PDE2A: variants seen among roughly 807,000 people sequenced by gnomAD.
PDE2A encodes the protein cGMP-dependent 3',5'-cyclic phosphodiesterase.
Under a neutral mutation model 133.6 loss-of-function variants are expected in PDE2A, and 53 were observed. That is an observed-to-expected ratio of 0.40 (90% confidence interval 0.32 to 0.50). The LOEUF (loss-of-function observed/expected upper bound fraction) is 0.50, where lower values mean the gene tolerates loss of function less well. Ranked by LOEUF, PDE2A falls within the 20% of genes least tolerant of loss-of-function variation. The probability of loss-of-function intolerance (pLI) is 0.73; values close to 1 mark genes in which losing one functional copy is unlikely to be tolerated. For missense variants in PDE2A, 796 were observed against 1,232.4 expected (o/e 0.65, Z 5.30); for synonymous variants, 491 against 490.2 (o/e 1.00, Z -0.02).
At chr11:72,668,494 C>T in intron 1 of PDE2A, 1 of 702,538 alleles carries the variant, frequency 1.4e-6, no homozygotes, top group South Asian at 1.5e-5. Context: ...CCTGCACCCC[C>T]CAACACATAG....
intron 20 of PDE2A, among the ~76,000 whole-genome samples, chr11:72,583,220 G>C (rs1203039280): frequency 6.6e-6 from 1 of 152,206 alleles, no homozygotes; most frequent in African/African-American, 2.4e-5. Context: ...CCCTGGGCTG[G>C]TTCCTCTGGC....
chr11:72,578,554 T>TC lies in PDE2A; in HGVS notation c.2470-41_2470-40insG. ...CTCTCATCACATCCTCTATGTAGGATACATCCACCCAAGCTCCTCTGACAG... is the reference window on the plus strand; with the variant it reads ...CTCTCATCACATCCTCTATGTAGGATCACATCCACCCAAGCTCCTCTGACAG... On this transcript the variant is annotated intron_variant, in intron 28 of 30. Coordinates refer to ENST00000334456, the MANE Select transcript of PDE2A (RefSeq NM_002599.5). The surrounding 1 kb of genome is among the most constrained non-coding windows in gnomAD (Gnocchi z 4.2). 6.5e-7 allele frequency: 1 copy of TC among 1,547,218 alleles called. No individual in the cohort carries two copies. Among genetic ancestry groups the TC allele is most frequent in the East Asian group, 2.2e-5 (1 of 44,574 alleles).
At chr11:72,614,556 C>T (rs903791390) in intron 2 of PDE2A, among the ~76,000 whole-genome samples, 3 of 152,172 alleles carry the variant, frequency 2.0e-5, no homozygotes, top group Admixed American at 2.0e-4. Context: ...AGATTGCTGG[C>T]CCCACCCCCA....
intron 1 of PDE2A, among the ~76,000 whole-genome samples, chr11:72,645,053 C>G (rs1338229043): frequency 1.3e-5 from 2 of 152,218 alleles, no homozygotes; most frequent in African/African-American, 4.8e-5. Flanking sequence ...CTGCACCCAG[C>G]CAAGAAGTTA....
intron 6 of PDE2A, among the ~76,000 whole-genome samples, chr11:72,591,584 C>G (rs1421798386): frequency 6.6e-6 from 1 of 152,208 alleles, no homozygotes; most frequent in Non-Finnish European, 1.5e-5. Context: ...TTTTTTGTCT[C>G]TGCCTTTTCA....
intron 13 of PDE2A, among the ~76,000 whole-genome samples, chr11:72,588,233 A>G (rs1175386057): frequency 2.0e-5 from 3 of 152,224 alleles, no homozygotes; most frequent in Non-Finnish European, 4.4e-5. Context: ...AAATTTATTT[A>G]TGACACCATT....
chr11:72,587,094 T>C (rs776149711), intron 13 of PDE2A, among the ~76,000 whole-genome samples: 17 of 152,222 alleles, frequency 1.1e-4, no homozygotes, highest in Admixed American at 3.3e-4. Flanking sequence ...CATGCTTTTT[T>C]TTCTACACTG....
chr11:72,633,871 G>A (rs1858546064), intron 2 of PDE2A, among the ~76,000 whole-genome samples: 1 of 152,178 alleles, frequency 6.6e-6, no homozygotes, highest in South Asian at 2.1e-4. Flanking sequence ...ATCACAGTCA[G>A]TTCTCAAACC....
At chr11:72,653,473 C>G (rs1854803432) in intron 1 of PDE2A, among the ~76,000 whole-genome samples, 1 of 152,086 alleles carries the variant, frequency 6.6e-6, no homozygotes, top group South Asian at 2.1e-4. Context: ...AGGCTCCACT[C>G]CCGACTCCCA....
chr11:72,636,651 G>A (rs1197441406), intron 2 of PDE2A, among the ~76,000 whole-genome samples: 1 of 152,108 alleles, frequency 6.6e-6, no homozygotes, highest in Non-Finnish European at 1.5e-5. Context: ...ACACCTGGGT[G>A]GGGCAGCATT....
chr11:72,581,493 G>A lies in PDE2A; in HGVS notation c.1923-14C>T, dbSNP rs1302566251. On this transcript the variant is annotated splice_polypyrimidine_tract_variant and intron_variant, in intron 22 of 30. Coordinates refer to ENST00000334456, the MANE Select transcript of PDE2A (RefSeq NM_002599.5). ...ATCAAACAGAACCTGGGGGAGGGAA[G>A]AGGGCAGAAGAGGGGCCTCAGCCTC... 3.8e-6 allele frequency: 6 copies of A among 1,578,720 alleles called. No homozygotes were observed. Among genetic ancestry groups the A allele is most frequent in the Non-Finnish European group, 5.2e-6 (6 of 1,162,328 alleles).
At chr11:72,642,113 C>T (rs774771023) in intron 2 of PDE2A, 141 bp downstream of exon 2, 2 of 1,213,108 alleles carry the variant, frequency 1.6e-6, no homozygotes, top group Non-Finnish European at 2.1e-6. Context: ...TCTTGGTCTG[C>T]GCTGCCGTCC....
intron 1 of PDE2A, chr11:72,668,482 T>C (rs1243442630): frequency 5.7e-6 from 4 of 703,064 alleles, no homozygotes; most frequent in Non-Finnish European, 1.0e-5. Context: ...TCCCTGCTCC[T>C]ACCTGCACCC....
In PDE2A at chr11:72,580,577, C is replaced by G; in HGVS notation, c.2181G>C (p.Glu727Asp). Reference protein sequence around the residue: ...ALYSSEGSVMERHHFAQAIAI... With the variant: ...ALYSSEGSVMDRHHFAQAIAI... ...ACGGGGTGGGACAGAAGAGTGATACCTCCATGACGGAGCCCTCAGAGCTGT... is the reference window on the plus strand; with the variant it reads ...ACGGGGTGGGACAGAAGAGTGATACGTCCATGACGGAGCCCTCAGAGCTGT... The change falls in exon 25 of 31, where the codon GAG (glutamate) becomes GAC (aspartate). Residue 727 changes from glutamate to aspartate, a missense_variant and splice_region_variant. Physicochemically the swap from Glu to Asp is conservative, Grantham distance 45. Coordinates refer to ENST00000334456, the MANE Select transcript of PDE2A (RefSeq NM_002599.5). 6.4e-7 allele frequency: 1 copy of G among 1,566,576 alleles called. No homozygotes were observed. Among genetic ancestry groups the G allele is most frequent in the Non-Finnish European group, 8.7e-7 (1 of 1,154,194 alleles).
chr11:72,589,530 C>T (rs55981111), intron 11 of PDE2A, among the ~76,000 whole-genome samples: 7,451 of 152,298 alleles, frequency 0.049, 225 homozygotes, highest in Non-Finnish European at 0.072. Context: ...GAACAGGTCC[C>T]AGGTAAGCCT....
At position 72,612,050 on chromosome 11, in the gene PDE2A, G is replaced by C. The variant is rs539350011; in HGVS notation, c.145-3299C>G. The stretch of plus-strand genomic sequence containing the variant: ...GGCACAGATGGGGAGCAAGGCTCAA[G>C]TCAGGGGGCTTCGATCTTAAAAGGA... On this transcript the variant is annotated intron_variant, in intron 2 of 30. Transcript: ENST00000334456. 3.3e-4 allele frequency among the ~76,000 whole-genome samples: 50 copies of C among 152,290 alleles called. No homozygotes were observed. The South Asian group carries it at 7.7e-3, about 23-fold the overall frequency.
chr11:72,661,431 C>T (rs1315225205), intron 1 of PDE2A, among the ~76,000 whole-genome samples: 1 of 152,072 alleles, frequency 6.6e-6, no homozygotes, highest in Non-Finnish European at 1.5e-5. Context: ...GGTTTTTTGG[C>T]CCTAATCACC....
intron 2 of PDE2A, among the ~76,000 whole-genome samples, chr11:72,625,017 G>A (rs980309022): frequency 4.6e-5 from 7 of 152,338 alleles, no homozygotes; most frequent in African/African-American, 1.7e-4. Context: ...AGTCGCCAGG[G>A]CTGTTGCCCC....
intron 1 of PDE2A, among the ~76,000 whole-genome samples, chr11:72,661,422 G>GTTT (rs1565196881): frequency 2.6e-5 from 4 of 151,988 alleles, no homozygotes; most frequent in African/African-American, 9.6e-5. Flanking sequence ...TTTTGGGGGG[G>GTTT]TTTTTTGGCC....
Sources: gnomAD v4.1 joint callset for allele counts (sites outside exome capture counted in the v4.1 genomes callset) on GRCh38, gnomAD v4.1.1 for gene constraint, Gnocchi (gnomAD v3.1) non-coding constraint, MANE v1.5 for transcripts, NCBI Gene and HGNC (gene_info 2026-07-23, HGNC 2026-07-21) for gene names.